Variants in FILIP1L observed in about 807,000 individuals in gnomAD.
FILIP1L encodes the protein filamin A interacting protein 1 like, also known as filamin A-interacting protein 1-like.
FILIP1L carries 55 observed loss-of-function variants against 96.6 expected under a neutral mutation model. The observed-to-expected ratio is 0.57, with a 90% confidence interval of 0.46 to 0.71. The LOEUF (loss-of-function observed/expected upper bound fraction) is 0.71, where lower values mean the gene tolerates loss of function less well. Ranked by LOEUF, FILIP1L falls within the 30% of genes least tolerant of loss-of-function variation. The pLI, the probability that FILIP1L is intolerant of heterozygous loss-of-function variation, is 0.00. For missense variants in FILIP1L, 1,304 were observed against 1,321.2 expected, an observed-to-expected ratio of 0.99 and a Z score of 0.20; for synonymous variants, 467 against 473.9, an observed-to-expected ratio of 0.99 and a Z score of 0.19.
chr3:100,049,740 A>C (rs1482127824), intron 1 of FILIP1L, among the ~76,000 whole-genome samples: 1 of 152,206 alleles, frequency 6.6e-6, no homozygotes, highest in Non-Finnish European at 1.5e-5. Context: ...TAGTAAATGT[A>C]CTTTCTCTTC....
chr3:100,081,507 G>C (rs1289629008), intron 1 of FILIP1L, among the ~76,000 whole-genome samples: 1 of 152,154 alleles, frequency 6.6e-6, no homozygotes, highest in East Asian at 1.9e-4. Flanking sequence ...TATGTAGAAA[G>C]ATATCTCTGT....
rs552997459 is a variant in FILIP1L at position 99,853,278 on chromosome 3, G to C, written c.606-2208C>G. Reference sequence around the variant, plus strand: ...GATGTAATGGTTTTGACAATGCCTTGAGCATAATTACAGTGAAATATTTTT... The same window carrying C: ...GATGTAATGGTTTTGACAATGCCTTCAGCATAATTACAGTGAAATATTTTT... On this transcript the variant is annotated intron_variant, in intron 4 of 5. Transcript: ENST00000477258. 1.9e-4 allele frequency among the ~76,000 whole-genome samples: 29 copies of C among 152,306 alleles called. No homozygotes were observed. In the South Asian group the frequency reaches 2.3e-3, roughly 12 times the overall value.
chr3:100,040,044 T>A (rs2065178083), intron 1 of FILIP1L: 1 of 152,190 alleles, frequency 6.6e-6, no homozygotes, highest in Non-Finnish European at 1.5e-5. Context: ...TGAGCCACCG[T>A]GCCTGGCCTC....
intron 4 of FILIP1L, among the ~76,000 whole-genome samples, chr3:99,875,131 A>T (rs1705445924): frequency 6.6e-6 from 1 of 152,244 alleles, no homozygotes; most frequent in African/African-American, 2.4e-5. Flanking sequence ...CTCCTATTCC[A>T]GTGTTCTAAA....
At chr3:99,893,112 C>T (rs1383042221) in intron 4 of FILIP1L, among the ~76,000 whole-genome samples, 1 of 147,200 alleles carries the variant, frequency 6.8e-6, no homozygotes, top group African/African-American at 2.5e-5. Flanking sequence ...TAGAAGACAC[C>T]TTTCTGCTTT....
chr3:99,930,931 G>A lies in FILIP1L; in HGVS notation c.90C>T (p.Asn30=). 6.2e-7 allele frequency: 1 copy of A among 1,613,632 alleles called. No individual in the cohort carries two copies. The highest frequency in any genetic ancestry group is 8.5e-7 in the Non-Finnish European group (1 of 1,179,926). The change falls in exon 2 of 6, where the codon AAC becomes AAT. Residue 30 remains asparagine (N), a synonymous_variant. Coordinates refer to ENST00000477258, the MANE Select transcript of FILIP1L (RefSeq NM_001387850.1). ...CTTTGTCTTGCTGTCTATGCTTCAT[G>A]TTTTTAGGCCCTTGGAAACTGTGGC... is the stretch of plus-strand genomic sequence containing the variant. ...TKGHSFQGPK[N]MKHRQQDKDS...
At chr3:99,851,156 T>C (rs1285585389) in intron 4 of FILIP1L, 86 bp from the exon 5 acceptor site, 5 of 1,083,698 alleles carry the variant, frequency 4.6e-6, no homozygotes, top group East Asian at 2.6e-5. Context: ...AATTTAGAAA[T>C]TATGTAATTA....
At chr3:99,983,410 A>ATG (rs1709197589) in intron 1 of FILIP1L, among the ~76,000 whole-genome samples, 3 of 108,972 alleles carry the variant, frequency 2.8e-5, no homozygotes, top group African/African-American at 1.1e-4. Context: ...ATATATATAT[A>ATG]TATATATATG....
chr3:99,851,555 T>C (rs1943697589), intron 4 of FILIP1L, among the ~76,000 whole-genome samples: 1 of 152,254 alleles, frequency 6.6e-6, no homozygotes, highest in African/African-American at 2.4e-5. Flanking sequence ...TTATGAAAAT[T>C]AAATGCGGTA....
intron 1 of FILIP1L, among the ~76,000 whole-genome samples, chr3:100,088,905 T>A (rs1194257888): frequency 6.6e-6 from 1 of 152,204 alleles, no homozygotes; most frequent in Non-Finnish European, 1.5e-5. Flanking sequence ...TTTGTTATGT[T>A]TATTTTTTGT....
At chr3:100,025,150 A>G (rs1314221001) in intron 1 of FILIP1L, among the ~76,000 whole-genome samples, 1 of 152,166 alleles carries the variant, frequency 6.6e-6, no homozygotes, top group Non-Finnish European at 1.5e-5. Flanking sequence ...CAATGACCAT[A>G]CTTAGCTAAA....
In FILIP1L at chr3:99,868,933, G is replaced by A. The variant is rs185377945; in HGVS notation, c.606-17863C>T. Among the ~76,000 whole-genome samples, 335 of 152,094 alleles carry A rather than the reference G, an allele frequency of 2.2e-3. 1 individual carries two copies. The highest frequency in any genetic ancestry group is 6.8e-3 in the Middle Eastern group (2 of 294). On this transcript the variant is annotated intron_variant, in intron 4 of 5. Transcript: ENST00000477258. ...TTTGTTTTAGTATATTACTTTTGCC[G>A]TTAAGCCAACTGTAAGCTCCTTAAA...
At chr3:99,987,528 C>CA (rs1209242716) in intron 1 of FILIP1L, among the ~76,000 whole-genome samples, 2,997 of 56,586 alleles carry the variant, frequency 0.053, 87 homozygotes, top group African/African-American at 0.13. Flanking sequence ...GATTCTGTCT[C>CA]AAAAAAAAAA....
chr3:99,950,005 G>C (rs978283706), intron 1 of FILIP1L, among the ~76,000 whole-genome samples: 3 of 152,114 alleles, frequency 2.0e-5, no homozygotes, highest in Non-Finnish European at 4.4e-5. Context: ...TCAAAGGTAT[G>C]CTTCTACCTT....
At chr3:99,944,501 A>G (rs1254834200) in intron 1 of FILIP1L, among the ~76,000 whole-genome samples, 1 of 152,228 alleles carries the variant, frequency 6.6e-6, no homozygotes, top group Non-Finnish European at 1.5e-5. Flanking sequence ...TGCAGGCACA[A>G]TGCTAAGGCA....
intron 4 of FILIP1L, among the ~76,000 whole-genome samples, chr3:99,864,375 T>C (rs1219594277): frequency 6.6e-6 from 1 of 152,194 alleles, no homozygotes; most frequent in Non-Finnish European, 1.5e-5. Flanking sequence ...TCTCACTTAA[T>C]ACTTATAGCA....
intron 1 of FILIP1L, among the ~76,000 whole-genome samples, chr3:100,027,950 G>A (rs1250893251): frequency 3.3e-5 from 5 of 151,948 alleles, no homozygotes; most frequent in Non-Finnish European, 7.4e-5. Context: ...GCAGACCATG[G>A]TAAGGAGTTT....
At chr3:100,032,578 A>AT (rs1346635005) in intron 1 of FILIP1L, among the ~76,000 whole-genome samples, 13 of 152,356 alleles carry the variant, frequency 8.5e-5, no homozygotes, top group Non-Finnish European at 1.3e-4. Flanking sequence ...CAGAAAATGC[A>AT]TTTTGTATCA....
rs148769188 is a variant in FILIP1L at position 100,048,371 on chromosome 3, A to G, written c.-11+65682T>C. Among the ~76,000 whole-genome samples, 686 of 152,258 alleles carry G rather than the reference A, an allele frequency of 4.5e-3. 7 individuals carry two copies. The highest frequency in any genetic ancestry group is 0.016 in the African/African-American group (672 of 41,536). On this transcript the variant is annotated intron_variant, in intron 1 of 5. Transcript: ENST00000477258. Reference sequence around the variant, plus strand: ...CCTTCGGCACTGCCAGCCCTCAAGTATGGCAGCTGCTTGAAGCATTTGCTT... The same window carrying G: ...CCTTCGGCACTGCCAGCCCTCAAGTGTGGCAGCTGCTTGAAGCATTTGCTT...
Sources: gnomAD v4.1 joint callset for allele counts (sites outside exome capture counted in the v4.1 genomes callset) on GRCh38, gnomAD v4.1.1 for gene constraint, MANE v1.5 for transcripts, NCBI Gene and HGNC (gene_info 2026-07-23, HGNC 2026-07-21) for gene names.